Variants in CACNB4 observed in about 807,000 individuals in gnomAD.
CACNB4 encodes calcium voltage-gated channel auxiliary subunit beta 4.
A neutral mutation model predicts 71.2 loss-of-function variants in CACNB4; 32 were observed. That is an observed-to-expected ratio of 0.45 (90% CI 0.34 to 0.60). CACNB4 has a LOEUF of 0.60. Among genes scored for constraint, CACNB4 ranks in the 20% least tolerant of loss-of-function variants. The probability of loss-of-function intolerance (pLI) is 0.01; values close to 1 mark genes in which losing one functional copy is unlikely to be tolerated. For synonymous variants in CACNB4, 231 were observed against 236.9 expected, an observed-to-expected ratio of 0.97 and a Z score of 0.23; for missense variants, 464 against 647.9, an observed-to-expected ratio of 0.72 and a Z score of 3.08.
At chr2:152,053,542 GA>G (rs1685559307) in intron 2 of CACNB4, among the ~76,000 whole-genome samples, 1 of 71,594 alleles carries the variant, frequency 1.4e-5, no homozygotes, top group Admixed American at 1.3e-4. Flanking sequence ...TTTTTTTTTT[GA>G]AACAAGGTCT....
intron 2 of CACNB4, among the ~76,000 whole-genome samples, chr2:151,906,377 C>G (rs1380045143): frequency 6.6e-6 from 1 of 152,136 alleles, no homozygotes; most frequent in African/African-American, 2.4e-5. Context: ...CTGTCTTATG[C>G]ATTATTTGTA....
rs954573670 is a variant in CACNB4, at chr2:151,947,687, G to A, written c.148-64317C>T. ...GAGGTCGTCCGGGTCTGGCAGCAAG[G>A]CTTCTATTTGGGAATGGACACTGCC... On this transcript the variant is annotated intron_variant, in intron 2 of 13. Transcript: ENST00000539935. 2.6e-5 allele frequency among the ~76,000 whole-genome samples: 4 copies of A among 152,104 alleles called. No individual in the cohort carries two copies. In the South Asian group the frequency reaches 6.2e-4, roughly 24 times the overall value.
intron 12 of CACNB4, chr2:151,852,563 TA>T (rs1267889749): frequency 6.6e-6 from 1 of 152,180 alleles, no homozygotes; most frequent in African/African-American, 2.4e-5. Flanking sequence ...ACTCAATCCT[TA>T]CACCAATCCC....
At chr2:151,909,980 C>G (rs1048286000) in intron 2 of CACNB4, among the ~76,000 whole-genome samples, 1 of 152,188 alleles carries the variant, frequency 6.6e-6, no homozygotes, top group Non-Finnish European at 1.5e-5. Context: ...AATGGTTGAA[C>G]TAATTTACAT....
chr2:152,014,370 T>C (rs1401381330), intron 2 of CACNB4, among the ~76,000 whole-genome samples: 1 of 151,068 alleles, frequency 6.6e-6, no homozygotes, highest in Non-Finnish European at 1.5e-5. Flanking sequence ...AAAGAGTCAT[T>C]CTTGGTCCAG....
At chr2:152,001,453 C>T (rs550327702) in intron 2 of CACNB4, among the ~76,000 whole-genome samples, 1 of 139,470 alleles carries the variant, frequency 7.2e-6, no homozygotes, top group East Asian at 2.2e-4. Context: ...CTTTAGGAGG[C>T]CAAGACAGGT....
chr2:152,067,781 C>A (rs1281684270), intron 2 of CACNB4, among the ~76,000 whole-genome samples: 2 of 152,054 alleles, frequency 1.3e-5, no homozygotes, highest in Non-Finnish European at 2.9e-5. Context: ...AAAACTCTTA[C>A]CTGTGGTGAA....
At chr2:151,975,325 A>G (rs2099873601) in intron 2 of CACNB4, among the ~76,000 whole-genome samples, 1 of 152,202 alleles carries the variant, frequency 6.6e-6, no homozygotes, top group Non-Finnish European at 1.5e-5. Context: ...AACAGCTACA[A>G]CAGCTGAGCA....
At chr2:151,995,533 C>G (rs1435814172) in intron 2 of CACNB4, among the ~76,000 whole-genome samples, 1 of 152,150 alleles carries the variant, frequency 6.6e-6, no homozygotes, top group Non-Finnish European at 1.5e-5. Context: ...CAGTGAAACC[C>G]CGTCTCTACT....
intron 9 of CACNB4, among the ~76,000 whole-genome samples, chr2:151,864,553 A>C (rs1325558225): frequency 1.3e-5 from 2 of 152,174 alleles, no homozygotes; most frequent in African/African-American, 4.8e-5. Context: ...AATTTTTGAA[A>C]ACTTCTGGTA....
chr2:152,020,551 G>A (rs925778085), intron 2 of CACNB4, among the ~76,000 whole-genome samples: 6 of 152,218 alleles, frequency 3.9e-5, no homozygotes, highest in African/African-American at 1.4e-4. Flanking sequence ...AGATCCAGCA[G>A]TAGTTTGAGA....
At chr2:152,001,555 A>T (rs1682413922) in intron 2 of CACNB4, among the ~76,000 whole-genome samples, 1 of 139,800 alleles carries the variant, frequency 7.2e-6, no homozygotes, top group Non-Finnish European at 1.5e-5. Flanking sequence ...AAAAAAAAAA[A>T]ATACAAAATT....
intron 2 of CACNB4, among the ~76,000 whole-genome samples, chr2:151,890,821 T>C (rs978008423): frequency 6.6e-6 from 1 of 152,240 alleles, no homozygotes; most frequent in African/African-American, 2.4e-5. Context: ...ATCTGTAGGC[T>C]ACCAAGGTTT....
chr2:151,870,668 G>T, intron 7 of CACNB4, 57 bp from the exon 8 acceptor site: 1 of 1,379,808 alleles, frequency 7.2e-7, no homozygotes. Context: ...CCTCTCCACA[G>T]CCACAACATT....
chr2:152,076,970 C>T (rs1560183511), intron 2 of CACNB4, among the ~76,000 whole-genome samples: 1 of 152,130 alleles, frequency 6.6e-6, no homozygotes, highest in Admixed American at 6.5e-5. Flanking sequence ...GGGGGCTGGC[C>T]GCCATGGACT....
chr2:151,885,145 G>GTGCCC (rs1251881133), intron 2 of CACNB4, among the ~76,000 whole-genome samples: 4 of 152,294 alleles, frequency 2.6e-5, no homozygotes, highest in African/African-American at 9.6e-5. Flanking sequence ...TTTTATCAGA[G>GTGCCC]TGCCCAGTCA....
chr2:151,846,529 T>TTTTG (rs372164400), intron 12 of CACNB4, among the ~76,000 whole-genome samples: 2 of 152,112 alleles, frequency 1.3e-5, no homozygotes, highest in African/African-American at 4.8e-5. Context: ...TAATTTTAAC[T>TTTTG]TTTGTTTGTT....
rs142656424 is a variant in CACNB4, at chr2:152,015,477, G to T, written c.147+82853C>A. ...AAATATATCATCTGTAAGTTCTAGTGTCCCCCTATGGCACATCTTCTTAGC... is the reference window on the plus strand; with the variant it reads ...AAATATATCATCTGTAAGTTCTAGTTTCCCCCTATGGCACATCTTCTTAGC... On this transcript the variant is annotated intron_variant, in intron 2 of 13. Coordinates refer to ENST00000539935, the MANE Select transcript of CACNB4 (RefSeq NM_000726.5). 5.8e-3 allele frequency among the ~76,000 whole-genome samples: 879 copies of T among 152,202 alleles called. 15 individuals carry two copies. Among genetic ancestry groups the T allele is most frequent in the African/African-American group, 0.02 (816 of 41,534 alleles).
intron 2 of CACNB4, among the ~76,000 whole-genome samples, chr2:151,911,593 A>AT (rs1358843024): frequency 3.3e-5 from 5 of 151,922 alleles, no homozygotes; most frequent in African/African-American, 1.2e-4. Context: ...TTTATTGAGG[A>AT]TTTTCACACT....
Sources: gnomAD v4.1 joint callset for allele counts (sites outside exome capture counted in the v4.1 genomes callset) on GRCh38, gnomAD v4.1.1 for gene constraint, MANE v1.5 for transcripts, NCBI Gene and HGNC (gene_info 2026-07-23, HGNC 2026-07-21) for gene names.